Variants in CNTNAP5 observed in about 807,000 individuals in gnomAD.
The protein encoded by CNTNAP5 is contactin associated protein family member 5, also known as contactin-associated protein-like 5.
Under a neutral mutation model 150.2 loss-of-function variants are expected in CNTNAP5, and 72 were observed. The ratio of observed to expected loss-of-function variants is 0.48; its 90% CI spans 0.40 to 0.58. The LOEUF (loss-of-function observed/expected upper bound fraction) is 0.58. Ranked by LOEUF, CNTNAP5 falls within the 20% of genes least tolerant of loss-of-function variation. CNTNAP5 has a pLI of 0.00. For missense variants in CNTNAP5, 1,636 were observed against 1,626.2 expected (o/e 1.01, Z -0.10); for synonymous variants, 672 against 619.8 (o/e 1.08, Z -1.25).
intron 3 of CNTNAP5, among the ~76,000 whole-genome samples, chr2:124,362,084 C>G: frequency 6.6e-6 from 1 of 152,304 alleles, no homozygotes. Context: ...CGGTGCTGTC[C>G]GTCACCCCTT....
At chr2:124,419,846 A>G (rs1692036672) in intron 4 of CNTNAP5, among the ~76,000 whole-genome samples, 1 of 151,648 alleles carries the variant, frequency 6.6e-6, no homozygotes, top group Non-Finnish European at 1.5e-5. Flanking sequence ...TGCCTTCTGA[A>G]CCTAATTCTC....
chr2:124,641,419 G>A (rs1213035256), intron 12 of CNTNAP5, among the ~76,000 whole-genome samples: 1 of 152,074 alleles, frequency 6.6e-6, no homozygotes, highest in Non-Finnish European at 1.5e-5. Flanking sequence ...CCCTTTCCAA[G>A]CCTATATTTA....
rs1006722317 is a variant in CNTNAP5, at chr2:124,869,776, G to C, written c.3436+14G>C. 1 of 1,475,314 alleles carries C rather than the reference G, an allele frequency of 6.8e-7. No homozygotes were observed. The highest frequency in any genetic ancestry group is 9.5e-7 in the Non-Finnish European group (1 of 1,055,600). The allele number at this position is 1,475,314 out of a possible 1,614,324, so 91.4% of individuals were successfully genotyped here. On this transcript the variant is annotated intron_variant, in intron 21 of 23. Transcript: ENST00000682447. The stretch of plus-strand genomic sequence containing the variant: ...GCAAAGTCACAGGTATGTTGTTCTA[G>C]TTCATACCTTTCCAGTGGGCTTTAT...
intron 3 of CNTNAP5, among the ~76,000 whole-genome samples, chr2:124,260,637 C>T (rs958245120): frequency 6.6e-6 from 1 of 152,202 alleles, no homozygotes; most frequent in Non-Finnish European, 1.5e-5. Flanking sequence ...GGGCTAATAT[C>T]CAGCATCTAC....
intron 1 of CNTNAP5, among the ~76,000 whole-genome samples, chr2:124,182,428 C>G (rs1453220644): frequency 2.7e-5 from 4 of 150,882 alleles, no homozygotes; most frequent in Non-Finnish European, 5.9e-5. Context: ...GATGACAAAA[C>G]TGAGACTCAG....
intron 3 of CNTNAP5, among the ~76,000 whole-genome samples, chr2:124,251,472 T>C (rs1485094114): frequency 1.3e-5 from 2 of 151,694 alleles, no homozygotes; most frequent in African/African-American, 2.4e-5. Context: ...GGGTGCTTTT[T>C]TTTTTTTTTT....
Position 124,422,998 on chromosome 2 carries a change from G to C in CNTNAP5, c.529+5408G>C, listed in dbSNP as rs532024369. Among the ~76,000 whole-genome samples, 297 of 152,254 alleles carry C rather than the reference G, an allele frequency of 2.0e-3. 1 individual carries two copies. The highest frequency in any genetic ancestry group is 3.6e-3 in the Non-Finnish European group (245 of 68,014). ...ATTCTTAGTCTGCACTATCATTTCC[G>C]TGTCTGTGATTGCTAATCCTAAGGA... On this transcript the variant is annotated intron_variant, in intron 4 of 23. Coordinates refer to ENST00000682447, the MANE Select transcript of CNTNAP5 (RefSeq NM_001367498.1).
intron 19 of CNTNAP5, among the ~76,000 whole-genome samples, chr2:124,799,848 G>A (rs552883728): frequency 6.6e-6 from 1 of 152,240 alleles, no homozygotes; most frequent in African/African-American, 2.4e-5. Context: ...AGAAGGGAAG[G>A]AAAATAGACA....
At chr2:124,354,726 G>C (rs1168086524) in intron 3 of CNTNAP5, among the ~76,000 whole-genome samples, 1 of 152,132 alleles carries the variant, frequency 6.6e-6, no homozygotes, top group Non-Finnish European at 1.5e-5. Flanking sequence ...CTTATTCTGA[G>C]TATTGTTTAA....
At chr2:124,653,785 A>T (rs922407171) in intron 13 of CNTNAP5, among the ~76,000 whole-genome samples, 3 of 152,160 alleles carry the variant, frequency 2.0e-5, no homozygotes, top group African/African-American at 7.2e-5. Flanking sequence ...TCTTTCATAC[A>T]CTAGGCATTT....
chr2:124,660,348 T>C (rs780527749), intron 13 of CNTNAP5, among the ~76,000 whole-genome samples: 5 of 152,068 alleles, frequency 3.3e-5, no homozygotes, highest in Non-Finnish European at 7.4e-5. Context: ...AGAAAGACAC[T>C]AACACTTAGA....
chr2:124,194,744 CAT>C (rs1685542980), intron 1 of CNTNAP5, among the ~76,000 whole-genome samples: 1 of 150,730 alleles, frequency 6.6e-6, no homozygotes, highest in South Asian at 2.1e-4. Context: ...TTATAGGTAA[CAT>C]TACACATAAT....
chr2:124,037,815 G>A (rs1263348035), intron 1 of CNTNAP5, among the ~76,000 whole-genome samples: 1 of 152,126 alleles, frequency 6.6e-6, no homozygotes, highest in Admixed American at 6.5e-5. Context: ...GAGAATTGCT[G>A]AGAGTAAGAT....
intron 22 of CNTNAP5, among the ~76,000 whole-genome samples, chr2:124,903,542 A>T (rs373463026): frequency 6.6e-6 from 1 of 152,204 alleles, no homozygotes; most frequent in African/African-American, 2.4e-5. Flanking sequence ...TAAAAATTAT[A>T]TATTTTCAAA....
rs1354077893 is a variant in CNTNAP5 at position 124,236,954 on chromosome 2, C to T, written c.188-5246C>T. On this transcript the variant is annotated intron_variant, in intron 2 of 23. Transcript: ENST00000682447. ...ATCAGCCTGGCCAACATGATGAAAC[C>T]CCGTCTCTACTAAAAGTACAAAAAA... 2.0e-5 allele frequency among the ~76,000 whole-genome samples: 3 copies of T among 151,984 alleles called. No homozygotes were observed. In the East Asian group the frequency reaches 5.8e-4, roughly 29 times the overall value.
At chr2:124,894,585 G>T (rs898696228) in intron 21 of CNTNAP5, among the ~76,000 whole-genome samples, 2 of 145,360 alleles carry the variant, frequency 1.4e-5, no homozygotes, top group Non-Finnish European at 3.0e-5. Context: ...ACAAAATCTT[G>T]CTCTGTCACC....
At chr2:124,474,174 C>T (rs145690687) in intron 6 of CNTNAP5, among the ~76,000 whole-genome samples, 5 of 152,080 alleles carry the variant, frequency 3.3e-5, no homozygotes, top group African/African-American at 1.2e-4. Flanking sequence ...TTAATAAGCA[C>T]CATTATTGAC....
At chr2:124,347,267 A>C (rs1689760433) in intron 3 of CNTNAP5, among the ~76,000 whole-genome samples, 1 of 152,144 alleles carries the variant, frequency 6.6e-6, no homozygotes, top group South Asian at 2.1e-4. Context: ...GGGCATCTGG[A>C]GAAAGACTAG....
intron 11 of CNTNAP5, among the ~76,000 whole-genome samples, chr2:124,588,206 TTC>T (rs1444559867): frequency 8.1e-5 from 12 of 148,070 alleles, no homozygotes; most frequent in African/African-American, 2.5e-4. Flanking sequence ...CTTTCTTTCT[TTC>T]TTTCTTTCTT....
Sources: allele counts gnomAD v4.1 joint callset (sites outside exome capture counted in the v4.1 genomes callset), GRCh38; gene constraint gnomAD v4.1.1; transcripts MANE v1.5; gene names NCBI Gene and HGNC (gene_info 2026-07-23, HGNC 2026-07-21).